CCDC171: variants seen among roughly 807,000 people sequenced by gnomAD.
The protein encoded by CCDC171 is coiled-coil domain containing 171, also known as coiled-coil domain-containing protein 171.
CCDC171 carries 177 observed loss-of-function variants against 168.2 expected under a neutral mutation model. The observed-to-expected ratio is 1.05, with a 90% confidence interval of 0.93 to 1.19. The LOEUF is 1.19. Among genes scored for constraint, CCDC171 ranks in the 50% most tolerant of loss-of-function variants. CCDC171 has a pLI of 0.00. For missense variants in CCDC171, 1,991 were observed against 1,539.0 expected, an observed-to-expected ratio of 1.29 and a Z score of -4.91; for synonymous variants, 687 against 540.8, an observed-to-expected ratio of 1.27 and a Z score of -3.75.
intron 9 of CCDC171, among the ~76,000 whole-genome samples, chr9:15,674,339 G>C (rs913674615): frequency 3.3e-5 from 5 of 151,990 alleles, no homozygotes; most frequent in Non-Finnish European, 7.4e-5. Flanking sequence ...TTTTTGAAGG[G>C]TTTTTTGTGT....
At chr9:15,632,577 G>A (rs1226997173) in intron 7 of CCDC171, among the ~76,000 whole-genome samples, 4 of 152,044 alleles carry the variant, frequency 2.6e-5, no homozygotes, top group South Asian at 4.2e-4. Context: ...AATCAATATC[G>A]TGAAAATGGC....
chr9:16,061,911 A>G (rs1833936378), downstream of CCDC171, among the ~76,000 whole-genome samples: 1 of 152,206 alleles, frequency 6.6e-6, no homozygotes, highest in Non-Finnish European at 1.5e-5. Flanking sequence ...GGTTTGGAGC[A>G]TTTACTGATT....
At chr9:15,964,999 G>T (rs1830662706) in intron 25 of CCDC171, among the ~76,000 whole-genome samples, 1 of 152,120 alleles carries the variant, frequency 6.6e-6, no homozygotes, top group South Asian at 2.1e-4. Flanking sequence ...GTGACTTCAG[G>T]TGATCTTCCA....
At chr9:15,695,122 A>T (rs2051116278) in intron 10 of CCDC171, 113 bp from the exon 11 acceptor site, 1 of 680,580 alleles carries the variant, frequency 1.5e-6, no homozygotes, top group Non-Finnish European at 2.6e-6. Flanking sequence ...TATTAATAAT[A>T]TATTTGAATG....
intron 20 of CCDC171, among the ~76,000 whole-genome samples, chr9:15,783,034 A>T (rs1288220999): frequency 6.6e-6 from 1 of 152,132 alleles, no homozygotes; most frequent in South Asian, 2.1e-4. Context: ...AAATTTCTTC[A>T]TTGTTGAGAA....
At position 15,954,288 on chromosome 9, in the gene CCDC171, C is replaced by G. The variant is rs982771125; in HGVS notation, c.3754-17321C>G. On this transcript the variant is annotated intron_variant, in intron 25 of 25. Transcript: ENST00000380701. ...GTTAGGTTGTCGATTTGAGATCTTT[C>G]TTGTTTCTTAATGTAAGCATTTATA... Among the ~76,000 whole-genome samples the G allele has an allele frequency of 7.2e-4, 108 of 150,864 alleles. 1 individual carries two copies. The highest frequency in any genetic ancestry group is 2.4e-3 in the African/African-American group (99 of 41,046).
At chr9:15,640,281 T>C (rs180884715) in intron 7 of CCDC171, among the ~76,000 whole-genome samples, 7 of 152,240 alleles carry the variant, frequency 4.6e-5, no homozygotes, top group Admixed American at 4.6e-4. Flanking sequence ...CTTCCTCTTC[T>C]CTTTTACATG....
intron 25 of CCDC171, among the ~76,000 whole-genome samples, chr9:15,942,538 C>T (rs1310551678): frequency 6.6e-6 from 1 of 151,754 alleles, no homozygotes; most frequent in Non-Finnish European, 1.5e-5. Flanking sequence ...CTTGTTTTTA[C>T]CTTATTCAGT....
In CCDC171 at chr9:15,928,852, G is replaced by C. The variant is rs540455385; in HGVS notation, c.3753+8430G>C. 2.0e-5 allele frequency among the ~76,000 whole-genome samples: 3 copies of C among 151,688 alleles called. No individual in the cohort carries two copies. In the South Asian group the frequency reaches 6.2e-4, roughly 31 times the overall value. On this transcript the variant is annotated intron_variant, in intron 25 of 25. Transcript: ENST00000380701. The stretch of plus-strand genomic sequence containing the variant: ...GGTTTCTCATATTCTAGAAACTCAA[G>C]AGTTGTTTGTATAGGAAACAGGGGC...
rs73646894 is a variant in CCDC171 at position 15,971,837 on chromosome 9, C to A, written c.*1C>A. The A allele has an allele frequency of 9.8e-3, 15,747 of 1,606,372 alleles. 1,333 individuals are homozygous for A. The African/African-American group carries it at 0.19, about 19-fold the overall frequency. On this transcript the variant is annotated 3_prime_UTR_variant, in exon 26 of 26. Coordinates refer to ENST00000380701, the MANE Select transcript of CCDC171 (RefSeq NM_173550.4). ...CAGACCAACTCAGATTGGATTATGACTTCATGAAATTAAAAAATGGAGGAA... is the reference window on the plus strand; with the variant it reads ...CAGACCAACTCAGATTGGATTATGAATTCATGAAATTAAAAAATGGAGGAA...
At chr9:15,749,546 T>C (rs2055566112) in intron 18 of CCDC171, among the ~76,000 whole-genome samples, 1 of 152,176 alleles carries the variant, frequency 6.6e-6, no homozygotes. Flanking sequence ...ATCACACTTA[T>C]TCTAAAATTG....
chr9:15,630,933 A>G (rs2045629471), intron 7 of CCDC171, among the ~76,000 whole-genome samples: 1 of 152,224 alleles, frequency 6.6e-6, no homozygotes, highest in Admixed American at 6.5e-5. Flanking sequence ...TGGGTACATA[A>G]CGAAATGAAG....
At chr9:15,736,383 C>T (rs2054493509) in intron 16 of CCDC171, among the ~76,000 whole-genome samples, 1 of 151,744 alleles carries the variant, frequency 6.6e-6, no homozygotes, top group African/African-American at 2.4e-5. Context: ...TAGTACCTCA[C>T]TACATTGCCT....
At chr9:15,811,039 A>C (rs1376211974) in intron 21 of CCDC171, among the ~76,000 whole-genome samples, 1 of 152,276 alleles carries the variant, frequency 6.6e-6, no homozygotes, top group African/African-American at 2.4e-5. Flanking sequence ...GAAAATGTTT[A>C]TCATTACAGA....
chr9:15,820,214 A>G lies in CCDC171; in HGVS notation c.3268-26488A>G. Among the ~76,000 whole-genome samples the G allele has an allele frequency of 2.4e-5, 2 of 84,284 alleles. 1 individual carries two copies. The highest frequency in any genetic ancestry group is 5.9e-5 in the Non-Finnish European group (2 of 34,004). 55.3% of individuals were successfully genotyped at this position (84,284 alleles called of 152,430 possible). On this transcript the variant is annotated intron_variant, in intron 21 of 25. Coordinates refer to ENST00000380701, the MANE Select transcript of CCDC171 (RefSeq NM_173550.4). Reference sequence around the variant, plus strand: ...CAGTGTGTAGAGGGAAATTTTTAGCACTAAATGCCCACAAGAGAAAGCAGA... The same window carrying G: ...CAGTGTGTAGAGGGAAATTTTTAGCGCTAAATGCCCACAAGAGAAAGCAGA...
At chr9:15,851,146 A>C (rs2061109430) in intron 23 of CCDC171, among the ~76,000 whole-genome samples, 1 of 151,964 alleles carries the variant, frequency 6.6e-6, no homozygotes, top group South Asian at 2.1e-4. Flanking sequence ...CTTAGGAAAA[A>C]CAATTACATT....
chr9:15,740,516 C>T (rs2054800537), intron 16 of CCDC171, among the ~76,000 whole-genome samples: 1 of 152,004 alleles, frequency 6.6e-6, no homozygotes, highest in South Asian at 2.1e-4. Context: ...GTTGCTGCAA[C>T]CTCTGCTTTT....
intron 1 of CCDC171, among the ~76,000 whole-genome samples, chr9:15,563,421 A>G (rs1440556350): frequency 6.6e-6 from 1 of 152,060 alleles, no homozygotes; most frequent in Non-Finnish European, 1.5e-5. Context: ...TACAGTCGTG[A>G]GCCACCGCAC....
intron 3 of CCDC171, among the ~76,000 whole-genome samples, chr9:15,979,791 G>T (rs1831737187): frequency 6.6e-6 from 1 of 151,306 alleles, no homozygotes; most frequent in East Asian, 1.9e-4. Flanking sequence ...GCTAATACTG[G>T]GCTCATAGAA....
Sources: allele counts gnomAD v4.1 joint callset (sites outside exome capture counted in the v4.1 genomes callset), GRCh38; gene constraint gnomAD v4.1.1; transcripts MANE v1.5; gene names NCBI Gene and HGNC (gene_info 2026-07-23, HGNC 2026-07-21).